The following LRRC49 variants were observed in gnomAD, a reference collection of about 807,000 sequenced individuals.
The protein encoded by LRRC49 is leucine rich repeat containing 49.
LRRC49 carries 50 observed loss-of-function variants against 83.3 expected under a neutral mutation model. The ratio of observed to expected loss-of-function variants is 0.60; its 90% CI spans 0.48 to 0.76. LRRC49 has a LOEUF of 0.76. LRRC49 is among the 30% of genes least tolerant of loss of function. The pLI, the probability that LRRC49 is intolerant of heterozygous loss-of-function variation, is 0.00. For missense variants in LRRC49, 704 were observed against 809.1 expected (o/e 0.87, Z 1.58); for synonymous variants, 286 against 283.3 (o/e 1.01, Z -0.10).
chr15:70,894,738 A>G (rs933644111), intron 2 of LRRC49: 4 of 546,952 alleles, frequency 7.3e-6, no homozygotes, highest in African/African-American at 2.0e-5. Flanking sequence ...GAGTTCACAC[A>G]TAACAGCATG....
At chr15:70,893,930 A>G (rs535136483) in intron 2 of LRRC49, among the ~76,000 whole-genome samples, 4 of 150,190 alleles carry the variant, frequency 2.7e-5, no homozygotes, top group African/African-American at 9.8e-5. Context: ...TGTATCACCC[A>G]GGCTGGGGCG....
At chr15:71,011,636 A>G (rs917407928) in intron 13 of LRRC49, among the ~76,000 whole-genome samples, 1 of 152,152 alleles carries the variant, frequency 6.6e-6, no homozygotes. Context: ...TGCTTGAGGT[A>G]GAATTAAATT....
At position 70,936,880 on chromosome 15, in the gene LRRC49, C is replaced by T. The variant is rs1180930145; in HGVS notation, c.773+58C>T. 3 of 1,085,354 alleles carry T rather than the reference C, an allele frequency of 2.8e-6. No homozygotes were observed. In the African/African-American group the frequency reaches 4.7e-5, roughly 17 times the overall value. 67.2% of individuals were successfully genotyped at this position (1,085,354 alleles called of 1,614,324 possible). A position where few individuals can be genotyped will look rare whatever the true frequency, so the allele number is the denominator to read the frequency against. On this transcript the variant is annotated intron_variant, in intron 8 of 15. Coordinates refer to ENST00000260382, the MANE Select transcript of LRRC49 (RefSeq NM_017691.5). ...TAACTTGATTGTGTGAGTTCTAGTG[C>T]TTTAGATTAAGATTGTAAATACCTT... is the stretch of plus-strand genomic sequence containing the variant.
chr15:70,940,166 C>T (rs538960818), intron 8 of LRRC49, among the ~76,000 whole-genome samples: 80 of 151,816 alleles, frequency 5.3e-4, no homozygotes, highest in African/African-American at 1.8e-3. Context: ...ATTTAGGAAA[C>T]CTTAAACTGC....
In LRRC49 at chr15:70,941,701, A is replaced by G. The variant is rs537789768; in HGVS notation, c.773+4879A>G. ...TATTATCCTCCTTATATCAGCATCT[A>G]TAACCATTTAAAGCATTAATGCTGT... On this transcript the variant is annotated intron_variant, in intron 8 of 15. Transcript: ENST00000260382. Among the ~76,000 whole-genome samples the G allele has an allele frequency of 2.0e-5, 3 of 152,228 alleles. No individual in the cohort carries two copies. In the East Asian group the frequency reaches 5.8e-4, roughly 29 times the overall value.
intron 1 of LRRC49, among the ~76,000 whole-genome samples, chr15:70,862,375 G>A (rs1201573190): frequency 6.6e-6 from 1 of 151,974 alleles, no homozygotes; most frequent in Non-Finnish European, 1.5e-5. Flanking sequence ...CCAGGAGATC[G>A]AGACCATCCT....
Position 70,955,844 on chromosome 15 carries a change from C to T in LRRC49, c.774-7941C>T, listed in dbSNP as rs564567622. 2.5e-3 allele frequency among the ~76,000 whole-genome samples: 379 copies of T among 152,190 alleles called. 1 individual carries two copies. Among genetic ancestry groups the T allele is most frequent in the African/African-American group, 7.8e-3 (323 of 41,530 alleles). ...TGTACTTTTCTTTAACTGTGCATTA[C>T]TCTTTAATATTTGATCATATATTAT... On this transcript the variant is annotated intron_variant, in intron 8 of 15. Transcript: ENST00000260382.
At chr15:71,044,886 C>CTTTTTT (rs71152326) in intron 15 of LRRC49, among the ~76,000 whole-genome samples, 2 of 74,458 alleles carry the variant, frequency 2.7e-5, no homozygotes, top group African/African-American at 1.0e-4. Context: ...CAGAAACAAT[C>CTTTTTT]TTTTTTTTTT....
At position 70,906,337 on chromosome 15, in the gene LRRC49, C is replaced by T. The variant is rs570687827; in HGVS notation, c.500+1582C>T. Reference sequence around the variant, plus strand: ...GTCTCGATTTCTTGACCTTGTGATCCGCCTGCCTTGGCCTCCCAAAGTGCT... The same window carrying T: ...GTCTCGATTTCTTGACCTTGTGATCTGCCTGCCTTGGCCTCCCAAAGTGCT... On this transcript the variant is annotated intron_variant, in intron 5 of 15. Transcript: ENST00000260382. 1.7e-3 allele frequency among the ~76,000 whole-genome samples: 255 copies of T among 152,166 alleles called. No homozygotes were observed. The Middle Eastern group carries it at 0.02, about 12-fold the overall frequency.
chr15:70,855,828 A>G (rs1236431368), intron 1 of LRRC49, among the ~76,000 whole-genome samples: 1 of 152,236 alleles, frequency 6.6e-6, no homozygotes, highest in Non-Finnish European at 1.5e-5. Flanking sequence ...AGGAAGAGGC[A>G]AGAGGCTGAC....
intron 1 of LRRC49, among the ~76,000 whole-genome samples, chr15:70,856,931 C>T (rs1005830540): frequency 6.6e-6 from 1 of 152,254 alleles, no homozygotes; most frequent in Non-Finnish European, 1.5e-5. Flanking sequence ...TCCCCAGAGC[C>T]GTGGCAGGGG....
At chr15:70,946,655 A>G (rs1244115105) in intron 8 of LRRC49, among the ~76,000 whole-genome samples, 1 of 152,132 alleles carries the variant, frequency 6.6e-6, no homozygotes, top group African/African-American at 2.4e-5. Context: ...TAATTTTTTT[A>G]GGAACCTCCA....
At chr15:70,929,603 T>C (rs1211234031) in intron 7 of LRRC49, among the ~76,000 whole-genome samples, 1 of 152,228 alleles carries the variant, frequency 6.6e-6, no homozygotes, top group East Asian at 1.9e-4. Flanking sequence ...CTTCTTTTCA[T>C]GAAAGATTTC....
At chr15:70,885,887 T>G (rs1211818076) in intron 2 of LRRC49, among the ~76,000 whole-genome samples, 1 of 152,194 alleles carries the variant, frequency 6.6e-6, no homozygotes, top group African/African-American at 2.4e-5. Flanking sequence ...GTACGCACAT[T>G]CATCTCAAGT....
chr15:70,891,766 T>C, upstream of LRRC49: 2 of 1,336,634 alleles, frequency 1.5e-6, no homozygotes, highest in Admixed American at 2.8e-5. Flanking sequence ...TGAGGTGCCT[T>C]TCCCAAGGTG....
intron 11 of LRRC49, among the ~76,000 whole-genome samples, chr15:70,989,785 A>T (rs907382468): frequency 6.6e-6 from 1 of 151,864 alleles, no homozygotes; most frequent in Non-Finnish European, 1.5e-5. Flanking sequence ...GTCTTTGATG[A>T]TGGTGATGTA....
At chr15:70,908,074 A>G (rs1427091626) in intron 5 of LRRC49, 6 of 452,746 alleles carry the variant, frequency 1.3e-5, no homozygotes, top group South Asian at 7.8e-5. Flanking sequence ...AGAGAGCAAG[A>G]TGTTTGGTTG....
At chr15:70,933,746 G>T (rs1483833991) in intron 7 of LRRC49, among the ~76,000 whole-genome samples, 3 of 152,204 alleles carry the variant, frequency 2.0e-5, no homozygotes, top group Non-Finnish European at 4.4e-5. Context: ...CTGGTTTAGG[G>T]TGGGTCTTTC....
chr15:70,936,782 T>A lies in LRRC49; in HGVS notation c.733T>A (p.Cys245Ser), dbSNP rs1413599548. The A allele has an allele frequency of 6.2e-7, 1 of 1,611,410 alleles. No individual in the cohort carries two copies. Among genetic ancestry groups the A allele is most frequent in the Non-Finnish European group, 8.5e-7 (1 of 1,177,828 alleles). ...TFVRDVDNLP[C>S]LQHLFLSFNN... is the part of the protein sequence containing the mutation. ...CCAGAGAGATGTGGATAATTTGCCCTGCCTCCAACATCTCTTTCTCAGCTT... is the reference window on the plus strand; with the variant it reads ...CCAGAGAGATGTGGATAATTTGCCCAGCCTCCAACATCTCTTTCTCAGCTT... Residue 245 changes from cysteine (C) to serine (S), a missense_variant, in exon 8 of 16, where the codon TGC becomes AGC. By Grantham distance (112) the Cys-to-Ser change is moderately radical. Coordinates refer to ENST00000260382, the MANE Select transcript of LRRC49 (RefSeq NM_017691.5).
Sources: allele counts gnomAD v4.1 joint callset (sites outside exome capture counted in the v4.1 genomes callset), GRCh38; gene constraint gnomAD v4.1.1; transcripts MANE v1.5; gene names NCBI Gene and HGNC (gene_info 2026-07-23, HGNC 2026-07-21).